DACH2: variants seen among roughly 807,000 people sequenced by gnomAD.
DACH2 encodes the protein dachshund homolog 2.
DACH2 carries 17 observed loss-of-function variants against 35.8 expected under a neutral mutation model. That is an observed-to-expected ratio of 0.48 (90% confidence interval 0.33 to 0.71). The LOEUF is 0.71. Ranked by LOEUF, DACH2 falls within the 30% of genes least tolerant of loss-of-function variation. The pLI, the probability that DACH2 is intolerant of heterozygous loss-of-function variation, is 0.02. For synonymous variants in DACH2, 195 were observed against 177.3 expected (o/e 1.10, Z -0.79); for missense variants, 469 against 472.7 (o/e 0.99, Z 0.07).
intron 2 of DACH2, among the ~76,000 whole-genome samples, chrX:86,443,318 T>A (rs1247981774): frequency 9.0e-6 from 1 of 111,405 alleles, no homozygotes; most frequent in Non-Finnish European, 1.9e-5. Flanking sequence ...TTTTTGTACC[T>A]ATTGATATTT....
At chrX:86,365,840 G>A (rs1232060075) in intron 1 of DACH2, among the ~76,000 whole-genome samples, 1 of 111,348 alleles carries the variant, frequency 9.0e-6, no homozygotes, top group African/African-American at 3.3e-5. Flanking sequence ...CCTAGTGAGG[G>A]AGACATGCCT....
chrX:86,405,334 G>A (rs985971033), intron 2 of DACH2, among the ~76,000 whole-genome samples: 1 of 111,574 alleles, frequency 9.0e-6, no homozygotes, highest in African/African-American at 3.3e-5. Flanking sequence ...GCTTAGAAAT[G>A]TCTTCCTGCA....
intron 2 of DACH2, among the ~76,000 whole-genome samples, chrX:86,437,389 C>T (rs1344665909): frequency 9.0e-6 from 1 of 111,443 alleles, no homozygotes; most frequent in Non-Finnish European, 1.9e-5. Context: ...TACATTCTAT[C>T]TAACTGTGTG....
chrX:86,443,894 C>T (rs1237437554), intron 2 of DACH2, among the ~76,000 whole-genome samples: 1 of 111,237 alleles, frequency 9.0e-6, no homozygotes, highest in Non-Finnish European at 1.9e-5. Flanking sequence ...GTTAAATTCA[C>T]TTTGCTAGTA....
At chrX:86,470,035 T>TATTTCATTGATATTCTGCTGTGGC (rs2037738314) in intron 2 of DACH2, among the ~76,000 whole-genome samples, 1 of 98,320 alleles carries the variant, frequency 1.0e-5, no homozygotes, top group African/African-American at 5.5e-5. Context: ...CTCAGTTAGA[T>TATTTCATTGATATTCTGCTGTGGC]ATTTCATTGA....
chrX:86,817,359 T>C (rs931891386), intron 11 of DACH2, among the ~76,000 whole-genome samples: 1 of 106,491 alleles, frequency 9.4e-6, no homozygotes, highest in African/African-American at 3.3e-5. Flanking sequence ...CAAAATTCAC[T>C]AAGAAGTGCC....
At chrX:86,788,104 T>A (rs1429849708) in intron 7 of DACH2, among the ~76,000 whole-genome samples, 1 of 111,109 alleles carries the variant, frequency 9.0e-6, no homozygotes, top group Non-Finnish European at 1.9e-5. Flanking sequence ...AGGGGCCGCA[T>A]GCGCAGTTTA....
chrX:86,385,975 T>C (rs1269712774), intron 2 of DACH2, among the ~76,000 whole-genome samples: 4 of 111,998 alleles, frequency 3.6e-5, no homozygotes, highest in African/African-American at 9.7e-5. Context: ...CCTCTGTTGT[T>C]AACATCTTAC....
rs995032953 is a variant in DACH2 at position 86,805,185 on chromosome X, G to A, written c.1241-7671G>A. 1.2e-4 allele frequency among the ~76,000 whole-genome samples: 14 copies of A among 112,736 alleles called. No individual in the cohort carries two copies. In the East Asian group the frequency reaches 1.4e-3, roughly 11 times the overall value. ...TTTCCACACATTCTCTAAAATTTAG[G>A]CACAGGCTCCCAAGCCTCAGCTCTT... On this transcript the variant is annotated intron_variant, in intron 7 of 11. Coordinates refer to ENST00000373125, the MANE Select transcript of DACH2 (RefSeq NM_053281.3).
At chrX:86,682,827 T>C (rs973098232) in intron 4 of DACH2, among the ~76,000 whole-genome samples, 9 of 111,954 alleles carry the variant, frequency 8.0e-5, no homozygotes, top group Non-Finnish European at 1.5e-4. Flanking sequence ...TCCATTTTCT[T>C]CTACTTTTAT....
At position 86,816,034 on chromosome X, in the gene DACH2, A is replaced by T. The variant is rs753934786; in HGVS notation, c.1685A>T (p.Asp562Val). The T allele has an allele frequency of 1.0e-5, 12 of 1,170,992 alleles. No individual in the cohort carries two copies. The highest frequency in any genetic ancestry group is 1.8e-5 in the African/African-American group (1 of 55,019). Residue 562 changes from aspartate to valine, a missense_variant and splice_region_variant, in exon 11 of 12, where the codon GAT (aspartate) becomes GTT (valine). This residue lies in a region of DACH2 where 363 missense variants were observed against 334.4 expected (regional missense o/e 1.09). Transcript: ENST00000373125. ...TSDSGLRMLK[D>V]TGIPDIEIEN... ...TAATCTTGCATGTCATTTATTTCAG[A>T]TACTGGAATTCCAGATATTGAAATA...
At chrX:86,539,618 C>T (rs897147946) in intron 3 of DACH2, among the ~76,000 whole-genome samples, 73 of 111,643 alleles carry the variant, frequency 6.5e-4, no homozygotes, top group African/African-American at 2.3e-3. Flanking sequence ...TGATAAAAAA[C>T]TGCTCTATTG....
intron 6 of DACH2, among the ~76,000 whole-genome samples, chrX:86,719,806 T>A (rs1408816320): frequency 1.8e-5 from 2 of 110,640 alleles, no homozygotes; most frequent in Non-Finnish European, 3.8e-5. Context: ...AAGGTGAGAT[T>A]TGGGTGGGGA....
At chrX:86,598,117 A>G (rs928272855) in intron 3 of DACH2, among the ~76,000 whole-genome samples, 2 of 111,186 alleles carry the variant, frequency 1.8e-5, no homozygotes, top group Admixed American at 9.6e-5. Context: ...CCATGATTCA[A>G]TTACCTCCCA....
At chrX:86,305,264 T>C (rs142489082) in intron 1 of DACH2, among the ~76,000 whole-genome samples, 4 of 112,082 alleles carry the variant, frequency 3.6e-5, no homozygotes, top group Non-Finnish European at 7.5e-5. Context: ...TGGGTGTATG[T>C]ACTATGCCAG....
intron 3 of DACH2, among the ~76,000 whole-genome samples, chrX:86,583,080 A>T (rs1191174684): frequency 1.8e-5 from 2 of 111,758 alleles, no homozygotes; most frequent in African/African-American, 6.5e-5. Context: ...AATAAATGTG[A>T]TTTATCACAT....
At chrX:86,523,892 T>C (rs964327630) in intron 3 of DACH2, among the ~76,000 whole-genome samples, 11 of 111,597 alleles carry the variant, frequency 9.9e-5, no homozygotes, top group Admixed American at 1.9e-4. Flanking sequence ...AATACACCTA[T>C]ATTTTATCAG....
Position 86,319,279 on chromosome X carries a change from A to T in DACH2, c.489-57545A>T, listed in dbSNP as rs373800983. Among the ~76,000 whole-genome samples, 20 of 112,239 alleles carry T rather than the reference A, an allele frequency of 1.8e-4. No homozygotes were observed. The East Asian group carries it at 2.5e-3, about 14-fold the overall frequency. On this transcript the variant is annotated intron_variant, in intron 1 of 11. Transcript: ENST00000373125. ...TGCTTAAACCTTCCACTTTAATTTA[A>T]TTTAAGACAATTCTTTATTTCTAGG...
intron 7 of DACH2, among the ~76,000 whole-genome samples, chrX:86,773,321 G>T (rs1406357349): frequency 1.8e-5 from 2 of 111,649 alleles, no homozygotes; most frequent in East Asian, 5.7e-4. Context: ...TTCATTGCTT[G>T]TATTTCTATG....
Sources: gnomAD v4.1 joint callset for allele counts (sites outside exome capture counted in the v4.1 genomes callset) on GRCh38, gnomAD v4.1.1 for gene constraint, gnomAD v4.1.1 regional missense constraint, MANE v1.5 for transcripts, NCBI Gene and HGNC (gene_info 2026-07-23, HGNC 2026-07-21) for gene names.